The following REPS1 variants were observed in gnomAD, a reference collection of about 807,000 sequenced individuals.
REPS1 encodes ralBP1-associated Eps domain-containing protein 1.
A neutral mutation model predicts 100.9 loss-of-function variants in REPS1; 39 were observed. That is an observed-to-expected ratio of 0.39 (90% CI 0.30 to 0.50). REPS1 has a LOEUF of 0.50. Among genes scored for constraint, REPS1 ranks in the 20% least tolerant of loss-of-function variants. The pLI is 0.86. For synonymous variants in REPS1, 324 were observed against 340.3 expected, an observed-to-expected ratio of 0.95 and a Z score of 0.53; for missense variants, 821 against 968.5, an observed-to-expected ratio of 0.85 and a Z score of 2.02.
chr6:138,928,634 A>T (rs752621398), intron 9 of REPS1: 8 of 152,214 alleles, frequency 5.3e-5, no homozygotes, highest in Admixed American at 5.2e-4. Flanking sequence ...ATGATCACAT[A>T]CGATTTTATT....
At chr6:138,959,978 C>CATAGCTAG (rs138720194) in intron 1 of REPS1, among the ~76,000 whole-genome samples, 2,893 of 152,240 alleles carry the variant, frequency 0.019, 88 homozygotes, top group African/African-American at 0.065. Flanking sequence ...GCCTCCAAGA[C>CATAGCTAG]ATAGCTAGAC....
In REPS1 at chr6:138,904,176, C is replaced by A. The variant is rs891951207; in HGVS notation, c.*888G>T. 1.3e-5 allele frequency: 2 copies of A among 152,052 alleles called. No homozygotes were observed. The highest frequency in any genetic ancestry group is 2.4e-5 in the African/African-American group (1 of 41,394). The allele number at this position is 152,052 out of a possible 1,614,324, so 9.4% of individuals were successfully genotyped here. ...AATGTATATATCATTTAATATTAAA[C>A]AAAATCTAAAACAGCATATTGTCCT... On this transcript the variant is annotated 3_prime_UTR_variant, in exon 20 of 20. Coordinates refer to ENST00000450536, the MANE Select transcript of REPS1 (RefSeq NM_001286611.2).
intron 11 of REPS1, 84 bp downstream of exon 11, chr6:138,920,953 G>A (rs916396206): frequency 4.2e-6 from 4 of 963,808 alleles, no homozygotes; most frequent in Non-Finnish European, 6.5e-6. Flanking sequence ...AATAAGCGAT[G>A]AAAGAAATTT....
chr6:138,911,202 G>A (rs1458100821), intron 17 of REPS1, 74 bp downstream of exon 17: 2 of 992,630 alleles, frequency 2.0e-6, no homozygotes, highest in Non-Finnish European at 3.2e-6. Flanking sequence ...ATTTCTGGCT[G>A]ACCTTATTTC....
At chr6:138,936,653 T>C (rs1327704386) in intron 8 of REPS1, among the ~76,000 whole-genome samples, 4 of 151,530 alleles carry the variant, frequency 2.6e-5, no homozygotes, top group Non-Finnish European at 2.9e-5. Flanking sequence ...GGTAATTTCT[T>C]AATTAGAAAG....
intron 1 of REPS1, among the ~76,000 whole-genome samples, chr6:138,974,199 C>A (rs994123047): frequency 6.6e-6 from 1 of 152,144 alleles, no homozygotes; most frequent in African/African-American, 2.4e-5. Flanking sequence ...ATCCCCTGAA[C>A]GAATGGTACA....
chr6:138,908,475 T>C (rs1779803539), intron 18 of REPS1, among the ~76,000 whole-genome samples, 193 bp downstream of exon 18: 1 of 152,170 alleles, frequency 6.6e-6, no homozygotes. Context: ...TTTTGTATTT[T>C]TAGCAGAGAT....
At position 138,923,675 on chromosome 6, in the gene REPS1, A is replaced by T. The variant is rs371491848; in HGVS notation, c.1339-2551T>A. On this transcript the variant is annotated intron_variant, in intron 10 of 19. Transcript: ENST00000450536. Reference sequence around the variant, plus strand: ...CAAGAAAAGAGATCAAGTTTCTGGAAACAAGACCATCAGAATCTCAATTTC... The same window carrying T: ...CAAGAAAAGAGATCAAGTTTCTGGATACAAGACCATCAGAATCTCAATTTC... 2.0e-5 allele frequency among the ~76,000 whole-genome samples: 3 copies of T among 152,308 alleles called. 1 individual carries two copies.
intron 1 of REPS1, among the ~76,000 whole-genome samples, chr6:138,952,451 G>C (rs1582813690): frequency 6.6e-6 from 1 of 151,558 alleles, no homozygotes; most frequent in Admixed American, 6.6e-5. Context: ...CAGAGCTGGA[G>C]AGCAATGGCG....
In REPS1 at chr6:138,904,149, G is replaced by A. The variant is rs928318784; in HGVS notation, c.*915C>T. Reference sequence around the variant, plus strand: ...GAATATCTGCTGTTAGCAATGGATCGAAATGTATATATCATTTAATATTAA... The same window carrying A: ...GAATATCTGCTGTTAGCAATGGATCAAAATGTATATATCATTTAATATTAA... On this transcript the variant is annotated 3_prime_UTR_variant, in exon 20 of 20. Transcript: ENST00000450536. The A allele has an allele frequency of 5.9e-5, 9 of 152,200 alleles. No homozygotes were observed. The highest frequency in any genetic ancestry group is 3.4e-3 in the Middle Eastern group (1 of 294). The allele number at this position is 152,200 out of a possible 1,614,324, so 9.4% of individuals were successfully genotyped here. A position where few individuals can be genotyped will look rare whatever the true frequency, so the allele number is the denominator to read the frequency against.
intron 12 of REPS1, among the ~76,000 whole-genome samples, chr6:138,918,841 G>A (rs997638082): frequency 2.6e-5 from 4 of 152,070 alleles, no homozygotes; most frequent in African/African-American, 9.7e-5. Context: ...TAGACTAAGA[G>A]TTGTGACAGA....
At chr6:138,916,579 C>CT (rs1780414487) in intron 13 of REPS1, among the ~76,000 whole-genome samples, 1 of 152,074 alleles carries the variant, frequency 6.6e-6, no homozygotes, top group African/African-American at 2.4e-5. Context: ...TAGTGTTACG[C>CT]TTTCCCATTC....
At chr6:138,981,160 A>T (rs1288739424) in intron 1 of REPS1, among the ~76,000 whole-genome samples, 3 of 152,156 alleles carry the variant, frequency 2.0e-5, no homozygotes, top group African/African-American at 7.2e-5. Flanking sequence ...GCAGAATCTC[A>T]ACGGAATCAA....
At chr6:138,920,968 C>G in intron 11 of REPS1, 69 bp downstream of exon 11, 1 of 1,143,092 alleles carries the variant, frequency 8.7e-7, no homozygotes, top group South Asian at 1.3e-5. Flanking sequence ...AAATTTGAAC[C>G]TTGACAGAAT....
intron 8 of REPS1, among the ~76,000 whole-genome samples, chr6:138,933,360 A>G (rs1781601538): frequency 1.3e-5 from 2 of 152,234 alleles, no homozygotes; most frequent in African/African-American, 2.4e-5. Context: ...CAATTCATAA[A>G]TAAGTGATGA....
chr6:138,907,327 T>TGTGTGTGTGTGG, intron 19 of REPS1, 168 bp downstream of exon 19: 3 of 464,448 alleles, frequency 6.5e-6, no homozygotes, highest in South Asian at 2.4e-5. Context: ...TGTGTGTGTG[T>TGTGTGTGTGTGG]GTGTGTGTGT....
At chr6:138,922,416 A>G (rs542305768) in intron 10 of REPS1, among the ~76,000 whole-genome samples, 4 of 152,230 alleles carry the variant, frequency 2.6e-5, no homozygotes, top group Non-Finnish European at 5.9e-5. Context: ...AATACAGTTG[A>G]TATTTCTAAA....
At position 138,920,325 on chromosome 6, in the gene REPS1, G is replaced by C. The variant is rs776303839; in HGVS notation, c.1427-9C>G. On this transcript the variant is annotated splice_polypyrimidine_tract_variant and intron_variant, in intron 11 of 19. Transcript: ENST00000450536. ...AGTGGGATTTGTATGATCTAATAGA[G>C]AATTAATAGGTAAAAATACAAGACA... The C allele has an allele frequency of 7.2e-7, 1 of 1,393,868 alleles. No homozygotes were observed. Among genetic ancestry groups the C allele is most frequent in the Admixed American group, 1.7e-5 (1 of 59,360 alleles). The allele number at this position is 1,393,868 out of a possible 1,614,324, so 86.3% of individuals were successfully genotyped here. A position where few individuals can be genotyped will look rare whatever the true frequency, so the allele number is the denominator to read the frequency against.
chr6:138,925,130 G>A (rs1485573629), intron 10 of REPS1, among the ~76,000 whole-genome samples: 2 of 151,986 alleles, frequency 1.3e-5, no homozygotes, highest in African/African-American at 2.4e-5. Flanking sequence ...TGGATCACTG[G>A]AGGTCAGGAG....
Sources: gnomAD v4.1 joint callset for allele counts (sites outside exome capture counted in the v4.1 genomes callset) on GRCh38, gnomAD v4.1.1 for gene constraint, MANE v1.5 for transcripts, NCBI Gene and HGNC (gene_info 2026-07-23, HGNC 2026-07-21) for gene names.